KAZN: variants seen among roughly 807,000 people sequenced by gnomAD.
KAZN encodes the protein kazrin, periplakin interacting protein.
In KAZN, 40 loss-of-function variants were observed where a neutral mutation model predicts 87.4. The observed-to-expected ratio is 0.46, with a 90% CI of 0.36 to 0.60. The LOEUF (loss-of-function observed/expected upper bound fraction) is 0.60. KAZN is among the 20% of genes least tolerant of loss of function. The pLI, the probability that KAZN is intolerant of heterozygous loss-of-function variation, is 0.00. For synonymous variants in KAZN, 466 were observed against 458.3 expected, an observed-to-expected ratio of 1.02 and a Z score of -0.22; for missense variants, 898 against 1,073.9, an observed-to-expected ratio of 0.84 and a Z score of 2.29.
chr1:14,300,718 G>T (rs925873908), intron 2 of KAZN, among the ~76,000 whole-genome samples: 20 of 152,202 alleles, frequency 1.3e-4, no homozygotes, highest in African/African-American at 4.1e-4. Context: ...AGGCAGACAG[G>T]TTAGGTTTAT....
In KAZN at chr1:14,255,044, C is replaced by T. The variant is rs974668707; in HGVS notation, c.249+74452C>T. 4.1e-5 allele frequency among the ~76,000 whole-genome samples: 6 copies of T among 146,356 alleles called. 1 individual carries two copies. In the South Asian group the frequency reaches 8.9e-4, roughly 22 times the overall value. On this transcript the variant is annotated intron_variant, in intron 2 of 16. Transcript: ENST00000636203. ...GCTGAGGCAGGAGAATTGCTTGAAC[C>T]GGGAGGCAGAGGTTGCAGTGAGCTG...
chr1:14,343,542 C>T (rs1382296076), intron 2 of KAZN, among the ~76,000 whole-genome samples: 1 of 152,144 alleles, frequency 6.6e-6, no homozygotes, highest in East Asian at 1.9e-4. Flanking sequence ...CTCCCTGTGG[C>T]ACCATGTGTG....
intron 1 of KAZN, among the ~76,000 whole-genome samples, chr1:14,006,537 C>A (rs1640043970): frequency 6.6e-6 from 1 of 152,074 alleles, no homozygotes; most frequent in South Asian, 2.1e-4. Context: ...AGATTAGGGT[C>A]CAGTTTTATT....
intron 1 of KAZN, among the ~76,000 whole-genome samples, chr1:14,162,234 A>C (rs1247504104): frequency 6.6e-6 from 1 of 152,156 alleles, no homozygotes; most frequent in Non-Finnish European, 1.5e-5. Flanking sequence ...GGATCCATAG[A>C]CCACTTTTCT....
chr1:14,840,911 T>G (rs1049260903), intron 1 of KAZN, among the ~76,000 whole-genome samples: 2 of 152,180 alleles, frequency 1.3e-5, no homozygotes, highest in Admixed American at 1.3e-4. Flanking sequence ...CATAATCACT[T>G]TCATATAGAT....
chr1:14,128,038 G>A (rs897351519), intron 1 of KAZN, among the ~76,000 whole-genome samples: 1 of 152,298 alleles, frequency 6.6e-6, no homozygotes, highest in South Asian at 2.1e-4. Flanking sequence ...GAAGGTCCCA[G>A]GAGGCTGAGT....
At chr1:14,438,387 G>A (rs568414841) in intron 2 of KAZN, among the ~76,000 whole-genome samples, 1 of 152,318 alleles carries the variant, frequency 6.6e-6, no homozygotes, top group East Asian at 1.9e-4. Flanking sequence ...CATATGACAT[G>A]TCAGATGGGG....
chr1:13,940,055 A>G (rs1186843983), intron 1 of KAZN, among the ~76,000 whole-genome samples: 1 of 152,168 alleles, frequency 6.6e-6, no homozygotes, highest in Non-Finnish European at 1.5e-5. Flanking sequence ...TAGAGGGAAC[A>G]ACATCCAAAC....
At chr1:14,387,474 T>C (rs568328401) in intron 2 of KAZN, among the ~76,000 whole-genome samples, 2,655 of 151,826 alleles carry the variant, frequency 0.017, 69 homozygotes, top group African/African-American at 0.062. Context: ...ATGATGGTGA[T>C]GTACAGATGG....
intron 1 of KAZN, among the ~76,000 whole-genome samples, chr1:14,772,323 A>G (rs1033582946): frequency 2.0e-5 from 3 of 152,100 alleles, no homozygotes; most frequent in Non-Finnish European, 4.4e-5. Context: ...GTCTCTATAA[A>G]AAATTTAACA....
intron 1 of KAZN, among the ~76,000 whole-genome samples, chr1:14,824,156 G>A (rs6679764): frequency 0.23 from 34,888 of 151,052 alleles, 4,678 homozygotes; most frequent in South Asian, 0.41. Flanking sequence ...GGGAGGAAGT[G>A]GAAGCAGACT....
chr1:14,133,361 C>T lies in KAZN; in HGVS notation c.92-47074C>T, dbSNP rs900400766. ...CAGCCTGGTGACAGAGTGAGACTCC[C>T]TCTCAAAAAAAAAAAAAAAGAAAGA... On this transcript the variant is annotated intron_variant, in intron 1 of 16. Coordinates refer to the KAZN transcript ENST00000636203. Among the ~76,000 whole-genome samples, 3 of 61,798 alleles carry T rather than the reference C, an allele frequency of 4.9e-5. No homozygotes were observed. The South Asian group carries it at 1.7e-3, about 34-fold the overall frequency. 40.5% of individuals were successfully genotyped at this position (61,798 alleles called of 152,430 possible).
At chr1:14,020,475 A>G (rs1484077771) in intron 1 of KAZN, among the ~76,000 whole-genome samples, 3 of 152,232 alleles carry the variant, frequency 2.0e-5, no homozygotes, top group African/African-American at 7.2e-5. Flanking sequence ...CAGGATGAAC[A>G]AAAAGTCTTG....
In KAZN at chr1:14,481,411, G is replaced by A. The variant is rs542383940; in HGVS notation, c.250-117572G>A. Among the ~76,000 whole-genome samples the A allele has an allele frequency of 2.5e-4, 34 of 137,922 alleles. No individual in the cohort carries two copies. In the South Asian group the frequency reaches 4.5e-3, roughly 18 times the overall value. 90.5% of individuals were successfully genotyped at this position (137,922 alleles called of 152,430 possible). On this transcript the variant is annotated intron_variant, in intron 2 of 16. Transcript: ENST00000636203. The stretch of plus-strand genomic sequence containing the variant: ...TTATTATAAAGTAGCTCAGTGTTAG[G>A]GCCAATTTTCTAGAAAAAAAACTAT...
At chr1:14,228,528 T>C (rs921097612) in intron 2 of KAZN, among the ~76,000 whole-genome samples, 2 of 152,136 alleles carry the variant, frequency 1.3e-5, no homozygotes, top group Non-Finnish European at 2.9e-5. Context: ...AGAAGGGCCA[T>C]GGGCAGGTGG....
intron 2 of KAZN, among the ~76,000 whole-genome samples, chr1:14,473,428 ACCAG>A (rs1668556149): frequency 1.3e-5 from 2 of 152,142 alleles, no homozygotes; most frequent in Admixed American, 1.3e-4. Context: ...GGAGTTTGAG[ACCAG>A]CCTGACCAAT....
intron 2 of KAZN, among the ~76,000 whole-genome samples, chr1:14,225,556 A>T (rs1056138669): frequency 6.6e-6 from 1 of 152,202 alleles, no homozygotes; most frequent in Non-Finnish European, 1.5e-5. Context: ...ACAAAAAAAT[A>T]AGCCTGAATA....
chr1:14,668,051 C>T (rs1331428970), intron 1 of KAZN, among the ~76,000 whole-genome samples: 1 of 152,146 alleles, frequency 6.6e-6, no homozygotes, highest in Non-Finnish European at 1.5e-5. Flanking sequence ...GAAAAAAACA[C>T]CAATTCTGAG....
At chr1:14,844,815 T>C (rs1312877866) in intron 1 of KAZN, among the ~76,000 whole-genome samples, 3 of 146,574 alleles carry the variant, frequency 2.0e-5, no homozygotes, top group Non-Finnish European at 4.5e-5. Flanking sequence ...GTCTGGTTGG[T>C]TTGTGGGTTG....
Sources: allele counts gnomAD v4.1 joint callset (sites outside exome capture counted in the v4.1 genomes callset), GRCh38; gene constraint gnomAD v4.1.1; transcripts MANE v1.5; gene names NCBI Gene and HGNC (gene_info 2026-07-23, HGNC 2026-07-21).